The following SLC22A8 variants were observed in gnomAD, a reference collection of about 807,000 sequenced individuals.
The protein encoded by SLC22A8 is solute carrier family 22 member 8.
Under a neutral mutation model 48.4 loss-of-function variants are expected in SLC22A8, and 40 were observed. The ratio of observed to expected loss-of-function variants is 0.83; its 90% CI spans 0.64 to 1.08. The LOEUF (loss-of-function observed/expected upper bound fraction) is 1.08, where lower values mean the gene tolerates loss of function less well. Among genes scored for constraint, SLC22A8 ranks in the 50% least tolerant of loss-of-function variants. The pLI, the probability that SLC22A8 is intolerant of heterozygous loss-of-function variation, is 0.00. For missense variants in SLC22A8, 606 were observed against 699.0 expected (o/e 0.87, Z 1.50); for synonymous variants, 268 against 286.3 (o/e 0.94, Z 0.65).
At chr11:63,006,905 C>G (rs910731264) in intron 2 of SLC22A8, among the ~76,000 whole-genome samples, 1 of 152,050 alleles carries the variant, frequency 6.6e-6, no homozygotes, top group East Asian at 1.9e-4. Flanking sequence ...CCGCGCCCAG[C>G]CTTGAGGTTT....
rs774027900 is a variant in SLC22A8, at chr11:63,014,717, T to C, written c.242A>G (p.Asn81Ser). 6.2e-7 allele frequency: 1 copy of C among 1,614,096 alleles called. No individual in the cohort carries two copies. The highest frequency in any genetic ancestry group is 2.2e-5 in the East Asian group (1 of 44,878). Residue 81 changes from asparagine (N) to serine (S), a missense_variant, in exon 2 of 11, where the codon AAT (asparagine) becomes AGT (serine). Transcript: ENST00000336232. ...ERCLRFVHPP[N>S]ASLPNDTQRA... ...CTGGGTGTCATTGGGCAGGCTGGCA[T>C]TGGGCGGATGTACAAAACGGAGGCA... is the stretch of plus-strand genomic sequence containing the variant.
chr11:63,004,571 C>T (rs1381469209), intron 2 of SLC22A8, among the ~76,000 whole-genome samples: 1 of 152,192 alleles, frequency 6.6e-6, no homozygotes, highest in Non-Finnish European at 1.5e-5. Context: ...TGAGACCTCC[C>T]TATTTACAAT....
intron 2 of SLC22A8, among the ~76,000 whole-genome samples, chr11:63,002,459 G>C (rs1257891774): frequency 1.3e-5 from 2 of 152,062 alleles, no homozygotes; most frequent in African/African-American, 4.8e-5. Flanking sequence ...CTGTGAAACA[G>C]ATCTCAAAAC....
At chr11:63,009,159 G>T (rs2086589033) in intron 2 of SLC22A8, among the ~76,000 whole-genome samples, 1 of 152,132 alleles carries the variant, frequency 6.6e-6, no homozygotes, top group Non-Finnish European at 1.5e-5. Flanking sequence ...GCTGAGGGTG[G>T]GCAAATGGGG....
At chr11:63,004,560 G>A (rs2086533796) in intron 2 of SLC22A8, among the ~76,000 whole-genome samples, 1 of 152,088 alleles carries the variant, frequency 6.6e-6, no homozygotes, top group Non-Finnish European at 1.5e-5. Context: ...TATCTTCTCA[G>A]TGAGACCTCC....
At chr11:63,008,329 T>G (rs574611020) in intron 2 of SLC22A8, among the ~76,000 whole-genome samples, 1 of 152,306 alleles carries the variant, frequency 6.6e-6, no homozygotes, top group Admixed American at 6.5e-5. Flanking sequence ...CTGCCTTAGT[T>G]CAGGGGCCTT....
rs765415190 is a variant in SLC22A8, at chr11:63,014,853, G to A, written c.106C>T (p.Leu36=). The stretch of plus-strand genomic sequence containing the variant: ...GTGGCGGCTGTGAAGATCTGCAGCA[G>A]GTTGTGGTTGGCCATGTTGAGGATC... ...LPILNMANHN[L]LQIFTAATPV... is the part of the protein sequence containing the mutation. Residue 36 remains leucine, a synonymous_variant, in exon 2 of 11, where the codon CTG becomes TTG. Coordinates refer to ENST00000336232, the MANE Select transcript of SLC22A8 (RefSeq NM_004254.4). 1.9e-6 allele frequency: 3 copies of A among 1,611,984 alleles called. No individual in the cohort carries two copies. The highest frequency in any genetic ancestry group is 2.2e-5 in the East Asian group (1 of 44,820).
At chr11:63,014,337 C>T (rs1022695947) in intron 2 of SLC22A8, among the ~76,000 whole-genome samples, 3 of 152,138 alleles carry the variant, frequency 2.0e-5, no homozygotes, top group African/African-American at 7.2e-5. Context: ...CTGTAGACCC[C>T]CTGGGAGCAG....
intron 7 of SLC22A8, chr11:62,994,960 C>A: frequency 1.6e-6 from 1 of 611,282 alleles, no homozygotes; most frequent in Middle Eastern, 4.4e-4. Flanking sequence ...CTGGTCATGT[C>A]TGACGTGGGC....
intron 3 of SLC22A8, 117 bp from the exon 4 acceptor site, chr11:62,999,959 C>T: frequency 1.2e-6 from 1 of 802,506 alleles, no homozygotes; most frequent in East Asian, 3.3e-5. Flanking sequence ...CCCTGTTGGG[C>T]ACATAAAGCT....
At chr11:63,012,416 G>A (rs1479128285) in intron 2 of SLC22A8, among the ~76,000 whole-genome samples, 3 of 151,964 alleles carry the variant, frequency 2.0e-5, no homozygotes, top group South Asian at 2.1e-4. Flanking sequence ...GAGCTACTGC[G>A]CCCGGCCTTT....
chr11:63,010,005 A>C (rs1390910000), intron 2 of SLC22A8, among the ~76,000 whole-genome samples: 1 of 152,096 alleles, frequency 6.6e-6, no homozygotes, highest in Non-Finnish European at 1.5e-5. Context: ...TCCCCTTTTT[A>C]CCAGGGGATC....
intron 2 of SLC22A8, among the ~76,000 whole-genome samples, chr11:63,010,530 C>A (rs1000242749): frequency 6.6e-6 from 1 of 152,196 alleles, no homozygotes; most frequent in African/African-American, 2.4e-5. Flanking sequence ...ATGGCTGAAC[C>A]ACAAACAGAA....
intron 5 of SLC22A8, among the ~76,000 whole-genome samples, 174 bp downstream of exon 5, chr11:62,998,747 C>T (rs925859935): frequency 1.3e-5 from 2 of 152,208 alleles, no homozygotes; most frequent in Non-Finnish European, 2.9e-5. Context: ...CCCATCCCTG[C>T]TCTCTCCTGC....
intron 2 of SLC22A8, among the ~76,000 whole-genome samples, chr11:63,006,808 C>T (rs2086562360): frequency 6.6e-6 from 1 of 151,074 alleles, no homozygotes; most frequent in African/African-American, 2.4e-5. Flanking sequence ...AAGATTTCAC[C>T]ATGTTAGCTA....
chr11:62,995,470 G>T (rs1336673349), intron 7 of SLC22A8: 3 of 564,484 alleles, frequency 5.3e-6, no homozygotes, highest in Non-Finnish European at 9.5e-6. Flanking sequence ...TGTCCTGTGG[G>T]TGAGGGGTGG....
At chr11:63,002,288 TGTG>T (rs1043262975) in intron 2 of SLC22A8, among the ~76,000 whole-genome samples, 57 of 152,312 alleles carry the variant, frequency 3.7e-4, no homozygotes, top group African/African-American at 1.3e-3. Context: ...ATGAAAACAA[TGTG>T]GTGTTTTGAT....
At chr11:63,007,788 T>C (rs919096495) in intron 2 of SLC22A8, among the ~76,000 whole-genome samples, 7 of 152,178 alleles carry the variant, frequency 4.6e-5, no homozygotes, top group Non-Finnish European at 8.8e-5. Context: ...AGCACGATGC[T>C]CAGGAGAAAG....
intron 8 of SLC22A8, chr11:62,994,114 A>T (rs765752390): frequency 3.5e-6 from 2 of 572,912 alleles, no homozygotes; most frequent in Middle Eastern, 4.7e-4. Context: ...GTCTTAAAAT[A>T]CCTCAAGTTC....
Sources: gnomAD v4.1 joint callset for allele counts (sites outside exome capture counted in the v4.1 genomes callset) on GRCh38, gnomAD v4.1.1 for gene constraint, MANE v1.5 for transcripts, NCBI Gene and HGNC (gene_info 2026-07-23, HGNC 2026-07-21) for gene names.